Variants in KIF25 observed in about 807,000 individuals in gnomAD.
The protein encoded by KIF25 is kinesin-like protein KIF25.
Under a neutral mutation model 32.9 loss-of-function variants are expected in KIF25, and 19 were observed. The ratio of observed to expected loss-of-function variants is 0.58; its 90% CI spans 0.40 to 0.85. The LOEUF is 0.85. KIF25 is among the 40% of genes least tolerant of loss of function. KIF25 has a pLI of 0.00. For synonymous variants in KIF25, 225 were observed against 213.7 expected (o/e 1.05, Z -0.46); for missense variants, 485 against 507.0 (o/e 0.96, Z 0.42).
intron 2 of KIF25, among the ~76,000 whole-genome samples, chr6:167,999,893 CCACTCCCATCCT>C (rs1798473295): frequency 6.7e-6 from 1 of 150,372 alleles, no homozygotes; most frequent in Admixed American, 6.6e-5. Flanking sequence ...CTGGAAATCC[CCACTCCCATCCT>C]GACCACACCT....
At chr6:168,012,508 T>C (rs935123099) in intron 4 of KIF25, among the ~76,000 whole-genome samples, 1 of 152,192 alleles carries the variant, frequency 6.6e-6, no homozygotes, top group Non-Finnish European at 1.5e-5. Flanking sequence ...GCTCTCAGGC[T>C]ATATCTCGGG....
intron 7 of KIF25, among the ~76,000 whole-genome samples, chr6:168,031,576 G>C (rs577032694): frequency 6.6e-6 from 1 of 152,346 alleles, no homozygotes; most frequent in Admixed American, 6.5e-5. Context: ...CGCACGCGGG[G>C]CCGCTCCGCC....
chr6:168,042,909 G>T (rs557389784), intron 12 of KIF25, among the ~76,000 whole-genome samples, 193 bp downstream of exon 12: 1 of 152,148 alleles, frequency 6.6e-6, no homozygotes, highest in South Asian at 2.1e-4. Flanking sequence ...GCCTGATTGT[G>T]TGCTTGTTCG....
rs1253615024 is a variant in KIF25, at chr6:168,038,552, G to A, written c.318-1G>A. On this transcript the variant is annotated splice_acceptor_variant, in intron 8 of 12. Coordinates refer to ENST00000643607, the MANE Select transcript of KIF25 (RefSeq NM_030615.4). LOFTEE classifies it high-confidence loss of function. ...AGTTTCTCTTGTGTGTTTTCCCGCA[G>A]GCTCATTTTGGAAAATACCTCAAGA... 3 of 1,613,668 alleles carry A rather than the reference G, an allele frequency of 1.9e-6. No individual in the cohort carries two copies. The highest frequency in any genetic ancestry group is 1.7e-5 in the Admixed American group (1 of 59,978).
At chr6:168,005,814 C>T (rs942283127) in intron 4 of KIF25, among the ~76,000 whole-genome samples, 2 of 152,222 alleles carry the variant, frequency 1.3e-5, no homozygotes, top group African/African-American at 2.4e-5. Flanking sequence ...AGATTAAGGG[C>T]GGGTCTGCCT....
At chr6:168,015,689 G>A (rs1798703542) in intron 4 of KIF25, among the ~76,000 whole-genome samples, 5 of 152,198 alleles carry the variant, frequency 3.3e-5, no homozygotes, top group Admixed American at 3.3e-4. Context: ...GTGAGATTAA[G>A]GGTATTTAGT....
chr6:168,015,521 G>C (rs183972548), intron 4 of KIF25, among the ~76,000 whole-genome samples: 6 of 152,308 alleles, frequency 3.9e-5, no homozygotes, highest in Admixed American at 3.3e-4. Flanking sequence ...GATTCCAGAG[G>C]CAGGGGCCAT....
intron 4 of KIF25, among the ~76,000 whole-genome samples, chr6:168,004,898 A>C (rs768275696): frequency 6.6e-6 from 1 of 152,244 alleles, no homozygotes; most frequent in Non-Finnish European, 1.5e-5. Context: ...AAATCAAACC[A>C]GCATCTAATC....
chr6:168,016,326 TACTC>T (rs1798712393), intron 4 of KIF25, among the ~76,000 whole-genome samples: 1 of 152,164 alleles, frequency 6.6e-6, no homozygotes, highest in Non-Finnish European at 1.5e-5. Flanking sequence ...GCCCAGTAAA[TACTC>T]AGCAGAGACA....
At chr6:168,011,177 C>G (rs1242844472) in intron 4 of KIF25, among the ~76,000 whole-genome samples, 1 of 152,100 alleles carries the variant, frequency 6.6e-6, no homozygotes, top group Non-Finnish European at 1.5e-5. Context: ...ATTGTTTTGT[C>G]TATCCTTTGC....
intron 2 of KIF25, among the ~76,000 whole-genome samples, chr6:168,001,530 A>C (rs1798501188): frequency 6.6e-6 from 1 of 152,026 alleles, no homozygotes; most frequent in African/African-American, 2.4e-5. Flanking sequence ...CCTCAGCTGC[A>C]GTAGCCTCAT....
At chr6:168,018,819 C>A (rs1355970308) in intron 5 of KIF25, among the ~76,000 whole-genome samples, 3 of 152,340 alleles carry the variant, frequency 2.0e-5, no homozygotes, top group Admixed American at 6.5e-5. Context: ...CTCTTCCTCT[C>A]CCCGGCAGCA....
At chr6:168,044,193 G>T (rs560930999) in intron 12 of KIF25, among the ~76,000 whole-genome samples, 3 of 151,090 alleles carry the variant, frequency 2.0e-5, no homozygotes, top group Admixed American at 2.0e-4. Flanking sequence ...GTGACCGGCT[G>T]CTGACCCTTC....
chr6:168,006,235 G>C (rs1458974970), intron 4 of KIF25, among the ~76,000 whole-genome samples: 1 of 151,574 alleles, frequency 6.6e-6, no homozygotes. Flanking sequence ...CGATGGGGGG[G>C]TCTCACTATG....
chr6:168,020,731 A>T lies in KIF25; in HGVS notation c.-95+2691A>T, dbSNP rs114031486. ...TAACAAGCTAGAGATATATACAATA[A>T]GCTAACAAAAAAAGATACATGGAAT... On this transcript the variant is annotated intron_variant, in intron 5 of 12. Transcript: ENST00000643607. 5.9e-3 allele frequency among the ~76,000 whole-genome samples: 894 copies of T among 152,332 alleles called. 9 individuals are homozygous for T. The highest frequency in any genetic ancestry group is 0.02 in the African/African-American group (820 of 41,572).
rs565030728 is a variant in KIF25, at chr6:168,026,946, T to C, written c.-94-2546T>C. ...TTCAAGCATTTTTCTGAGCACCTAT[T>C]ATGTGCCAGGCACCCTGTTAGACAC... is the stretch of plus-strand genomic sequence containing the variant. On this transcript the variant is annotated intron_variant, in intron 5 of 12. Transcript: ENST00000643607. Among the ~76,000 whole-genome samples, 3 of 152,284 alleles carry C rather than the reference T, an allele frequency of 2.0e-5. No homozygotes were observed. In the East Asian group the frequency reaches 5.8e-4, roughly 29 times the overall value.
intron 4 of KIF25, among the ~76,000 whole-genome samples, chr6:168,013,959 C>G (rs779993804): frequency 6.6e-5 from 10 of 152,072 alleles, no homozygotes; most frequent in Non-Finnish European, 1.2e-4. Context: ...AGCACCAGCT[C>G]TCTCTCATCA....
At position 168,040,108 on chromosome 6, in the gene KIF25, G is replaced by T. The variant is rs369293081; in HGVS notation, c.538G>T (p.Gly180Cys). ...ASKLMELVHGGLQLRAKHPTL... is the reference protein window; with the variant it reads ...ASKLMELVHGCLQLRAKHPTL... ...GAAACTGATGGAGCTCGTTCATGGA[G>T]GTCTGCAGCTCAGGGCGAAGCACCC... Residue 180 changes from glycine (G) to cysteine (C), a missense_variant, in exon 10 of 13, where the codon GGT (glycine) becomes TGT (cysteine). Physicochemically the swap from Gly to Cys is radical, Grantham distance 159 (BLOSUM62 -3). Transcript: ENST00000643607. 3.7e-6 allele frequency: 6 copies of T among 1,613,904 alleles called. No individual in the cohort carries two copies. Among genetic ancestry groups the T allele is most frequent in the Non-Finnish European group, 5.1e-6 (6 of 1,179,992 alleles).
chr6:168,017,782 C>T (rs2114881545), intron 4 of KIF25, 191 bp from the exon 5 acceptor site: 1 of 152,288 alleles, frequency 6.6e-6, no homozygotes. Flanking sequence ...CACGTGGTCT[C>T]CAACTCAATC....
Sources: gnomAD v4.1 joint callset for allele counts (sites outside exome capture counted in the v4.1 genomes callset) on GRCh38, gnomAD v4.1.1 for gene constraint, MANE v1.5 for transcripts, NCBI Gene and HGNC (gene_info 2026-07-23, HGNC 2026-07-21) for gene names.